Variants in GGA3 observed in about 807,000 individuals in gnomAD.
GGA3 encodes the protein ADP-ribosylation factor-binding protein GGA3.
A neutral mutation model predicts 77.5 loss-of-function variants in GGA3; 57 were observed. The ratio of observed to expected loss-of-function variants is 0.74; its 90% CI spans 0.59 to 0.92. The LOEUF (loss-of-function observed/expected upper bound fraction) is 0.92, where lower values mean the gene tolerates loss of function less well. Among genes scored for constraint, GGA3 ranks in the 40% least tolerant of loss-of-function variants. The pLI is 0.00. For missense variants in GGA3, 970 were observed against 914.9 expected, an observed-to-expected ratio of 1.06 and a Z score of -0.78; for synonymous variants, 416 against 383.7, an observed-to-expected ratio of 1.08 and a Z score of -0.98.
At chr17:75,261,949 T>G (rs769770368), upstream of GGA3, 1 of 1,608,302 alleles carries the variant, frequency 6.2e-7, no homozygotes, top group African/African-American at 1.3e-5. Context: ...GGGCCTGGCG[T>G]TGGGCGTGCG....
chr17:75,242,166 G>C (rs1375316045), intron 8 of GGA3, 170 bp downstream of exon 8: 4 of 717,198 alleles, frequency 5.6e-6, no homozygotes, highest in African/African-American at 3.5e-5. Context: ...GAGGCAAATG[G>C]GGACGCCACC....
chr17:75,240,878 C>T lies in GGA3; in HGVS notation c.1126G>A (p.Ala376Thr), dbSNP rs997944528. The T allele has an allele frequency of 6.2e-7, 1 of 1,613,446 alleles. No individual in the cohort carries two copies. The highest frequency in any genetic ancestry group is 8.5e-7 in the Non-Finnish European group (1 of 1,179,868). Residue 376 changes from alanine (A) to threonine (T), a missense_variant, in exon 11 of 17, where the codon GCC becomes ACC. Ala to Thr is a moderately conservative substitution (Grantham distance 58). Transcript: ENST00000537686. ...PRSRSSSQAE[A>T]TLGPSSTSNA... is the part of the protein sequence containing the mutation. ...CTTGTGCTGCTGGGCCCCAGGGTGG[C>T]CTCGGCCTGGCTAGAGGAGCGGCTC...
Position 75,239,900 on chromosome 17 carries a change from G to A in GGA3, c.1472C>T (p.Ala491Val), listed in dbSNP as rs1407351485. 9.9e-6 allele frequency: 16 copies of A among 1,613,456 alleles called. No homozygotes were observed. The highest frequency in any genetic ancestry group is 5.0e-5 in the Admixed American group (3 of 59,918). ...TGCGGGCTCAACTTTTGGGGCCAAG[G>A]CTGGGGCCACTCCAGTAGAAAACAA... is the stretch of plus-strand genomic sequence containing the variant. ...SSLFSTGVAP[A>V]LAPKVEPAVP... is the part of the protein sequence containing the mutation. Residue 491 changes from alanine to valine, a missense_variant, in exon 13 of 17, where the codon GCC becomes GTC. Physicochemically the swap from Ala to Val is moderately conservative, Grantham distance 64 (BLOSUM62 0). Coordinates refer to ENST00000537686, the MANE Select transcript of GGA3 (RefSeq NM_138619.4).
In GGA3 at chr17:75,243,590, G is replaced by A. The variant is rs973150997; in HGVS notation, c.301-20C>T. The A allele has an allele frequency of 1.9e-6, 3 of 1,612,880 alleles. No individual in the cohort carries two copies. The highest frequency in any genetic ancestry group is 1.3e-5 in the African/African-American group (1 of 74,882). ...CAGGTACTACATGGCAAAAGAAAAT[G>A]AGGACCTAGTAAGTGCAGTTCGGAG... On this transcript the variant is annotated intron_variant, in intron 4 of 16. Transcript: ENST00000537686.
At chr17:75,239,678 C>A in intron 13 of GGA3, 107 bp from the exon 14 acceptor site, 1 of 1,466,912 alleles carries the variant, frequency 6.8e-7, no homozygotes, top group South Asian at 1.2e-5. Context: ...CCCTTGCCTT[C>A]CAGCCTGACT....
chr17:75,257,433 T>G (rs1412639793), intron 1 of GGA3, among the ~76,000 whole-genome samples: 1 of 152,162 alleles, frequency 6.6e-6, no homozygotes, highest in Non-Finnish European at 1.5e-5. Flanking sequence ...TATCTCCTCG[T>G]GCTATCCCCA....
Position 75,244,613 on chromosome 17 carries a change from A to T in GGA3, c.300+6T>A. ...CCTAAAAGCGAGGAATCTGCCGCTG[A>T]CTGACCTTTGGAGAGACGACTTTGA... is the stretch of plus-strand genomic sequence containing the variant. On this transcript the variant is annotated splice_donor_region_variant and intron_variant, in intron 4 of 16. Coordinates refer to ENST00000537686, the MANE Select transcript of GGA3 (RefSeq NM_138619.4). 1 of 1,587,546 alleles carries T rather than the reference A, an allele frequency of 6.3e-7. No individual in the cohort carries two copies. The highest frequency in any genetic ancestry group is 8.7e-7 in the Non-Finnish European group (1 of 1,155,762).
At position 75,241,683 on chromosome 17, in the gene GGA3, T is replaced by C. The variant is rs2076565669; in HGVS notation, c.761A>G (p.Gln254Arg). 3 of 1,613,812 alleles carry C rather than the reference T, an allele frequency of 1.9e-6. No homozygotes were observed. The highest frequency in any genetic ancestry group is 2.2e-5 in the South Asian group (2 of 91,084). The change falls in exon 9 of 17, where the codon CAG (glutamine) becomes CGG (arginine). Residue 254 changes from glutamine to arginine, a missense_variant. Coordinates refer to ENST00000537686, the MANE Select transcript of GGA3 (RefSeq NM_138619.4). ...DRELMKELFDQCENKRRTLFK... is the reference protein window; with the variant it reads ...DRELMKELFDRCENKRRTLFK... ...TAAAGTCCGCCTCTTGTTCTCACAC[T>C]GATCAAACAGCTCCTGAAAGAGACT... is the stretch of plus-strand genomic sequence containing the variant.
rs1277522488 is a variant in GGA3, at chr17:75,237,758, C to G, written c.*521G>C. 1.4e-6 allele frequency: 2 copies of G among 1,431,134 alleles called. No individual in the cohort carries two copies. The highest frequency in any genetic ancestry group is 9.1e-7 in the Non-Finnish European group (1 of 1,097,246). 88.7% of individuals were successfully genotyped at this position (1,431,134 alleles called of 1,614,324 possible). A position where few individuals can be genotyped will look rare whatever the true frequency, so the allele number is the denominator to read the frequency against. On this transcript the variant is annotated 3_prime_UTR_variant, in exon 17 of 17. Coordinates refer to ENST00000537686, the MANE Select transcript of GGA3 (RefSeq NM_138619.4). ...TGCCAGTTCCTTATTCTGGGCCAGGCACCTTCCTGGGCCACCTCCCTGGGG... is the reference window on the plus strand; with the variant it reads ...TGCCAGTTCCTTATTCTGGGCCAGGGACCTTCCTGGGCCACCTCCCTGGGG...
At chr17:75,248,159 T>C (rs1485099809) in intron 1 of GGA3, among the ~76,000 whole-genome samples, 2 of 152,188 alleles carry the variant, frequency 1.3e-5, no homozygotes, top group Non-Finnish European at 2.9e-5. Flanking sequence ...CATAATTGTA[T>C]TTTGTTAACT....
In GGA3 at chr17:75,237,659, C is replaced by CA. The variant is rs1356072283; in HGVS notation, c.*619dup. ...ACAGCCTGCCACTGCCAGGGACAAG[C>CA]ACACAACTCATCACTCCGTGGCCAT... On this transcript the variant is annotated 3_prime_UTR_variant, in exon 17 of 17. Transcript: ENST00000537686. 6.7e-7 allele frequency: 1 copy of CA among 1,494,136 alleles called. No individual in the cohort carries two copies. Among genetic ancestry groups the CA allele is most frequent in the African/African-American group, 1.4e-5 (1 of 72,348 alleles). 92.6% of individuals were successfully genotyped at this position (1,494,136 alleles called of 1,614,324 possible).
intron 1 of GGA3, among the ~76,000 whole-genome samples, chr17:75,254,795 TAA>T: frequency 6.6e-6 from 1 of 152,206 alleles, no homozygotes; most frequent in East Asian, 1.9e-4. Context: ...TCCAAACGCC[TAA>T]ACCGCAGTGG....
intron 1 of GGA3, among the ~76,000 whole-genome samples, chr17:75,257,867 G>A (rs1263344826): frequency 1.3e-5 from 2 of 152,098 alleles, no homozygotes; most frequent in Non-Finnish European, 2.9e-5. Flanking sequence ...TCAGGCCTGA[G>A]CCCAAGCCAA....
In GGA3 at chr17:75,239,780, A is replaced by T; in HGVS notation, c.1583+9T>A. 3 of 1,612,678 alleles carry T rather than the reference A, an allele frequency of 1.9e-6. No individual in the cohort carries two copies. The highest frequency in any genetic ancestry group is 2.5e-6 in the Non-Finnish European group (3 of 1,179,658). On this transcript the variant is annotated intron_variant, in intron 13 of 16. Transcript: ENST00000537686. ...CCTCAGCAACCCCACATCTCCTCCC[A>T]CTCATTACACTTTGGCCTCTTCTAG...
chr17:75,257,312 T>A (rs1053076309), intron 1 of GGA3, among the ~76,000 whole-genome samples: 12 of 127,730 alleles, frequency 9.4e-5, no homozygotes, highest in African/African-American at 3.2e-4. Flanking sequence ...TCATCATCCC[T>A]ACTATCTTCT....
At chr17:75,239,687 C>T in intron 13 of GGA3, 102 bp downstream of exon 13, 1 of 1,481,600 alleles carries the variant, frequency 6.7e-7, no homozygotes, top group Non-Finnish European at 9.4e-7. Flanking sequence ...TCCAGCCTGA[C>T]TGATGGGACT....
intron 8 of GGA3, 101 bp downstream of exon 8, chr17:75,242,235 C>T (rs1012491717): frequency 1.0e-4 from 123 of 1,233,692 alleles, no homozygotes; most frequent in Non-Finnish European, 1.3e-4. Context: ...GCCAAGTGCA[C>T]AGCCCGTGTC....
At chr17:75,240,672 T>TTAG in intron 11 of GGA3, 140 bp downstream of exon 11, 1 of 1,009,242 alleles carries the variant, frequency 9.9e-7, no homozygotes, top group Non-Finnish European at 1.4e-6. Context: ...GTCGCTGAAC[T>TTAG]TCACTGAGTA....
At chr17:75,245,573 A>G (rs1240098135) in intron 3 of GGA3, among the ~76,000 whole-genome samples, 1 of 151,974 alleles carries the variant, frequency 6.6e-6, no homozygotes, top group Non-Finnish European at 1.5e-5. Flanking sequence ...TGGTCAGGCT[A>G]GAGTGCAACG....
Sources: gnomAD v4.1 joint callset for allele counts (sites outside exome capture counted in the v4.1 genomes callset) on GRCh38, gnomAD v4.1.1 for gene constraint, MANE v1.5 for transcripts, NCBI Gene and HGNC (gene_info 2026-07-23, HGNC 2026-07-21) for gene names.